The following RBFOX1 variants were observed in gnomAD, a reference collection of about 807,000 sequenced individuals.
RBFOX1 encodes the protein RNA binding fox-1 homolog 1.
In RBFOX1, 8 loss-of-function variants were observed where a neutral mutation model predicts 57.7. The observed-to-expected ratio is 0.14, with a 90% CI of 0.08 to 0.25. RBFOX1 has a LOEUF of 0.25. Ranked by LOEUF, RBFOX1 falls within the 10% of genes least tolerant of loss-of-function variation. The pLI is 1.00. For missense variants in RBFOX1, 611 were observed against 548.5 expected, an observed-to-expected ratio of 1.11 and a Z score of -1.14; for synonymous variants, 326 against 222.4, an observed-to-expected ratio of 1.47 and a Z score of -4.15.
At chr16:6,950,955 G>A (rs1233678336) in intron 3 of RBFOX1, among the ~76,000 whole-genome samples, 2 of 151,504 alleles carry the variant, frequency 1.3e-5, no homozygotes, top group African/African-American at 4.9e-5. Flanking sequence ...TCTCAGGCTG[G>A]AGTGCAGTGG....
chr16:7,402,864 C>A (rs966551459), intron 4 of RBFOX1, among the ~76,000 whole-genome samples: 1 of 152,180 alleles, frequency 6.6e-6, no homozygotes, highest in African/African-American at 2.4e-5. Flanking sequence ...CATCACCTAA[C>A]TCATTCAGTC....
intron 2 of RBFOX1, among the ~76,000 whole-genome samples, chr16:5,536,471 G>C (rs1234352602): frequency 6.6e-6 from 1 of 152,010 alleles, no homozygotes; most frequent in Non-Finnish European, 1.5e-5. Flanking sequence ...CCTGACCTCA[G>C]GTGATCTGTC....
chr16:6,964,234 G>C (rs532227101), intron 3 of RBFOX1, among the ~76,000 whole-genome samples: 2 of 151,386 alleles, frequency 1.3e-5, no homozygotes, highest in Non-Finnish European at 2.9e-5. Flanking sequence ...GGCCAGGCTG[G>C]TCTCGAACTG....
At chr16:7,400,043 T>G (rs1214980458) in intron 4 of RBFOX1, among the ~76,000 whole-genome samples, 1 of 152,182 alleles carries the variant, frequency 6.6e-6, no homozygotes, top group African/African-American at 2.4e-5. Context: ...CTTCTCTGAT[T>G]TATTGATGAG....
At chr16:7,255,689 T>TA (rs1298144258) in intron 4 of RBFOX1, among the ~76,000 whole-genome samples, 2 of 152,188 alleles carry the variant, frequency 1.3e-5, no homozygotes. Flanking sequence ...GTGGTTGAAT[T>TA]AAAAAAATAA....
At chr16:6,880,039 C>T (rs1264817269) in intron 3 of RBFOX1, among the ~76,000 whole-genome samples, 2 of 152,118 alleles carry the variant, frequency 1.3e-5, no homozygotes, top group East Asian at 1.9e-4. Flanking sequence ...TTCCTCCATC[C>T]ATGCAAGTAA....
At chr16:6,941,844 C>T (rs947543768) in intron 3 of RBFOX1, among the ~76,000 whole-genome samples, 1 of 152,084 alleles carries the variant, frequency 6.6e-6, no homozygotes, top group African/African-American at 2.4e-5. Context: ...CCCCCTAACT[C>T]TTTCCCATCT....
At chr16:7,271,620 G>T (rs139915769) in intron 4 of RBFOX1, among the ~76,000 whole-genome samples, 12 of 152,114 alleles carry the variant, frequency 7.9e-5, no homozygotes, top group Non-Finnish European at 1.5e-4. Flanking sequence ...AAACTTAGAA[G>T]ATACGTGACT....
intron 2 of RBFOX1, among the ~76,000 whole-genome samples, chr16:5,496,055 G>A (rs1314307833): frequency 6.6e-6 from 1 of 152,180 alleles, no homozygotes. Flanking sequence ...CAACCCAGGA[G>A]GCAGGGGTTG....
chr16:6,752,892 C>T (rs1038901344), intron 3 of RBFOX1, among the ~76,000 whole-genome samples: 1 of 151,774 alleles, frequency 6.6e-6, no homozygotes, highest in Non-Finnish European at 1.5e-5. Context: ...TCTGTTCTCC[C>T]AGAGAATTTT....
chr16:5,453,905 G>A (rs1425987695), intron 1 of RBFOX1, among the ~76,000 whole-genome samples: 2 of 152,202 alleles, frequency 1.3e-5, no homozygotes, highest in Non-Finnish European at 2.9e-5. Context: ...TTTTGTTGGG[G>A]TGGTTGGTGA....
intron 1 of RBFOX1, among the ~76,000 whole-genome samples, chr16:6,275,063 G>A (rs574384587): frequency 2.0e-5 from 3 of 152,098 alleles, no homozygotes; most frequent in Non-Finnish European, 4.4e-5. Flanking sequence ...ACATTGTCTG[G>A]TCACACCTAT....
chr16:7,004,026 C>T (rs1386552056), intron 3 of RBFOX1: 1 of 146,562 alleles, frequency 6.8e-6, no homozygotes, highest in Non-Finnish European at 1.5e-5. Context: ...TAACGCTTCA[C>T]AAATTTGCGT....
chr16:7,267,228 GTC>G (rs2095178234), intron 4 of RBFOX1, among the ~76,000 whole-genome samples: 1 of 149,964 alleles, frequency 6.7e-6, no homozygotes, highest in Non-Finnish European at 1.5e-5. Context: ...GCAAAACCCT[GTC>G]TCTACTAAAA....
intron 1 of RBFOX1, among the ~76,000 whole-genome samples, chr16:6,235,956 A>C (rs1166984899): frequency 6.6e-6 from 1 of 152,172 alleles, no homozygotes; most frequent in Non-Finnish European, 1.5e-5. Flanking sequence ...ATCACCATTA[A>C]AGAATTTACT....
chr16:7,265,566 A>G (rs1030334990), intron 4 of RBFOX1, among the ~76,000 whole-genome samples: 1 of 152,026 alleles, frequency 6.6e-6, no homozygotes, highest in African/African-American at 2.4e-5. Flanking sequence ...CTCCTGCCTC[A>G]GCCTCCCGAG....
chr16:6,741,516 T>C (rs918221587), intron 3 of RBFOX1, among the ~76,000 whole-genome samples: 1 of 151,836 alleles, frequency 6.6e-6, no homozygotes, highest in African/African-American at 2.4e-5. Context: ...GTACAAATTT[T>C]AGCCAGGCTA....
At chr16:7,699,931 G>T (rs2080112395) in intron 14 of RBFOX1, among the ~76,000 whole-genome samples, 1 of 152,156 alleles carries the variant, frequency 6.6e-6, no homozygotes, top group African/African-American at 2.4e-5. Flanking sequence ...GAGTTAAAAT[G>T]TTGTGACAGA....
chr16:5,646,944 C>T (rs545669131), intron 3 of RBFOX1, among the ~76,000 whole-genome samples: 1 of 152,264 alleles, frequency 6.6e-6, no homozygotes, highest in Admixed American at 6.5e-5. Flanking sequence ...GGAAGACCCT[C>T]TTGATGGTGG....
Sources: allele counts gnomAD v4.1 joint callset (sites outside exome capture counted in the v4.1 genomes callset), GRCh38; gene constraint gnomAD v4.1.1; transcripts MANE v1.5; gene names NCBI Gene and HGNC (gene_info 2026-07-23, HGNC 2026-07-21).